The following NSA2 variants were observed in gnomAD, a reference collection of about 807,000 sequenced individuals.
NSA2 encodes ribosome biogenesis protein NSA2 homolog.
NSA2 carries 18 observed loss-of-function variants against 34.8 expected under a neutral mutation model. The ratio of observed to expected loss-of-function variants is 0.52; its 90% CI spans 0.36 to 0.77. The LOEUF (loss-of-function observed/expected upper bound fraction) is 0.77. NSA2 is among the 30% of genes least tolerant of loss of function. NSA2 has a pLI of 0.00. For synonymous variants in NSA2, 79 were observed against 100.2 expected (o/e 0.79, Z 1.26); for missense variants, 188 against 314.7 (o/e 0.60, Z 3.05).
At chr5:74,776,454 G>C (rs1349077250) in intron 5 of NSA2, 150 bp from the exon 6 acceptor site, 1 of 572,886 alleles carries the variant, frequency 1.7e-6, no homozygotes, top group East Asian at 3.0e-5. Flanking sequence ...CAGTGAGCCA[G>C]ATCACGCCAC....
At chr5:74,774,878 A>G (rs1363223776) in intron 5 of NSA2, among the ~76,000 whole-genome samples, 1 of 152,186 alleles carries the variant, frequency 6.6e-6, no homozygotes, top group Non-Finnish European at 1.5e-5. Context: ...GAAAATACCT[A>G]TTACATTTAA....
At position 74,770,616 on chromosome 5, in the gene NSA2, G is replaced by A; in HGVS notation, c.343-15G>A. The A allele has an allele frequency of 6.4e-7, 1 of 1,555,620 alleles. No individual in the cohort carries two copies. The highest frequency in any genetic ancestry group is 2.0e-5 in the Admixed American group (1 of 49,952). On this transcript the variant is annotated splice_polypyrimidine_tract_variant and intron_variant, in intron 3 of 5. Transcript: ENST00000610426. ...TTAATAACAATATAAACTTTTAACT[G>A]TGGCATATTTTTAGGGAAAATGGGA...
chr5:74,769,555 A>G, intron 3 of NSA2, 191 bp downstream of exon 3: 2 of 452,464 alleles, frequency 4.4e-6, no homozygotes, highest in East Asian at 7.4e-5. Flanking sequence ...TTTAAGTTAT[A>G]AAAAAAATTT....
At position 74,776,628 on chromosome 5, in the gene NSA2, A is replaced by G. The variant is rs762826781; in HGVS notation, c.740A>G (p.Asn247Ser). Reference sequence around the variant, plus strand: ...GGAAAATATGCCCAGGTTACCAACAATCCTGAAAATGATGGATGTATAAAT... The same window carrying G: ...GGAAAATATGCCCAGGTTACCAACAGTCCTGAAAATGATGGATGTATAAAT... ...IWGKYAQVTN[N>S]PENDGCINAV... Residue 247 changes from asparagine to serine, a missense_variant, in exon 6 of 6, where the codon AAT becomes AGT. Asn to Ser is a conservative substitution (Grantham distance 46). Coordinates refer to ENST00000610426, the MANE Select transcript of NSA2 (RefSeq NM_014886.6). 1.5e-5 allele frequency: 24 copies of G among 1,598,896 alleles called. No individual in the cohort carries two copies. The South Asian group carries it at 1.5e-4, about 10-fold the overall frequency.
At chr5:74,774,481 C>G (rs1429777793) in intron 5 of NSA2, among the ~76,000 whole-genome samples, 1 of 151,916 alleles carries the variant, frequency 6.6e-6, no homozygotes, top group Non-Finnish European at 1.5e-5. Flanking sequence ...GCGAGCACCT[C>G]TAATCCCAGC....
chr5:74,773,867 G>C lies in NSA2; in HGVS notation c.523-1G>C. ...TTCTTATGTTGTGTTTGACTTACTAGGGCTTGCGTTTCAAGAAAGCCCATG... is the reference window on the plus strand; with the variant it reads ...TTCTTATGTTGTGTTTGACTTACTACGGCTTGCGTTTCAAGAAAGCCCATG... On this transcript the variant is annotated splice_acceptor_variant, in intron 4 of 5. Coordinates refer to ENST00000610426, the MANE Select transcript of NSA2 (RefSeq NM_014886.6). LOFTEE classifies it high-confidence loss of function. 6.2e-7 allele frequency: 1 copy of C among 1,610,522 alleles called. No homozygotes were observed. The highest frequency in any genetic ancestry group is 8.5e-7 in the Non-Finnish European group (1 of 1,178,158).
At chr5:74,773,478 A>T (rs1475783982) in intron 4 of NSA2, among the ~76,000 whole-genome samples, 2 of 151,024 alleles carry the variant, frequency 1.3e-5, no homozygotes, top group African/African-American at 4.9e-5. Context: ...ACCAAAAAAA[A>T]AAAAAAAAAA....
Position 74,773,986 on chromosome 5 carries a change from T to C in NSA2, c.641T>C (p.Ile214Thr), listed in dbSNP as rs763767107. The change falls in exon 5 of 6, where the codon ATT (isoleucine) becomes ACT (threonine). Residue 214 changes from isoleucine (I) to threonine (T), a missense_variant. Transcript: ENST00000610426. ...SSPLYTTLGV[I>T]TKGTVIEVNV... is the part of the protein sequence containing the mutation. Reference sequence around the variant, plus strand: ...CCACTGTATACAACTTTGGGTGTTATTACCAAAGGTACTGTCATTGAAGTA... The same window carrying C: ...CCACTGTATACAACTTTGGGTGTTACTACCAAAGGTACTGTCATTGAAGTA... 7 of 1,613,886 alleles carry C rather than the reference T, an allele frequency of 4.3e-6. No individual in the cohort carries two copies. In the Admixed American group the frequency reaches 5.0e-5, roughly 12 times the overall value.
intron 5 of NSA2, among the ~76,000 whole-genome samples, chr5:74,774,484 A>G (rs1745046110): frequency 6.6e-6 from 1 of 152,088 alleles, no homozygotes; most frequent in South Asian, 2.1e-4. Context: ...AGCACCTCTA[A>G]TCCCAGCCAC....
chr5:74,769,800 T>C (rs1420765158), intron 3 of NSA2, among the ~76,000 whole-genome samples: 3 of 152,182 alleles, frequency 2.0e-5, no homozygotes, highest in Admixed American at 2.0e-4. Context: ...TTAGCAGAAA[T>C]CCAGATAAAA....
In NSA2 at chr5:74,767,276, G is replaced by C. The variant is rs1347044523; in HGVS notation, c.-85G>C. 2.8e-5 allele frequency: 44 copies of C among 1,553,292 alleles called. No individual in the cohort carries two copies. Among genetic ancestry groups the C allele is most frequent in the Non-Finnish European group, 3.7e-5 (42 of 1,126,804 alleles). ...TCTTTCCTGTCCCGGCCTGCGTGGT[G>C]TGGGCTTGTGGGTCTTTGAGACCCG... On this transcript the variant is annotated 5_prime_UTR_variant, in exon 1 of 6. Coordinates refer to ENST00000610426, the MANE Select transcript of NSA2 (RefSeq NM_014886.6).
chr5:74,769,576 C>T, intron 3 of NSA2: 1 of 407,354 alleles, frequency 2.5e-6, no homozygotes, highest in Non-Finnish European at 4.3e-6. Context: ...ATTAGAATGC[C>T]ATATGAAATT....
rs1745323094 is a variant in NSA2, at chr5:74,779,815, G to GA, written c.*3148dup. 2 of 152,078 alleles carry GA rather than the reference G, an allele frequency of 1.3e-5. No homozygotes were observed. Among genetic ancestry groups the GA allele is most frequent in the Admixed American group, 1.3e-4 (2 of 15,270 alleles). 9.4% of individuals were successfully genotyped at this position (152,078 alleles called of 1,614,324 possible). A position where few individuals can be genotyped will look rare whatever the true frequency, so the allele number is the denominator to read the frequency against. On this transcript the variant is annotated 3_prime_UTR_variant, in exon 6 of 6. Coordinates refer to ENST00000610426, the MANE Select transcript of NSA2 (RefSeq NM_014886.6). ...TCTGCTTTAAGATTTTAACTTGATC[G>GA]AAAATACCAACATCCCCAAACAAAA... is the stretch of plus-strand genomic sequence containing the variant.
intron 1 of NSA2, among the ~76,000 whole-genome samples, chr5:74,767,821 T>A (rs1425771434): frequency 6.6e-6 from 1 of 152,226 alleles, no homozygotes; most frequent in Non-Finnish European, 1.5e-5. Context: ...GGCCCAGATC[T>A]AACTGCCAGG....
Position 74,767,262 on chromosome 5 carries a change from C to T in NSA2, c.-99C>T, listed in dbSNP as rs1744696741. 4 of 1,465,690 alleles carry T rather than the reference C, an allele frequency of 2.7e-6. No homozygotes were observed. The highest frequency in any genetic ancestry group is 1.1e-5 in the South Asian group (1 of 87,568). 90.8% of individuals were successfully genotyped at this position (1,465,690 alleles called of 1,614,324 possible). On this transcript the variant is annotated 5_prime_UTR_variant, in exon 1 of 6. Transcript: ENST00000610426. ...TTTTAAAGGGTGACTCTTTCCTGTC[C>T]CGGCCTGCGTGGTGTGGGCTTGTGG...
Position 74,778,677 on chromosome 5 carries a change from G to C in NSA2, c.*2006G>C, listed in dbSNP as rs1278795762. The C allele has an allele frequency of 6.6e-6, 1 of 152,000 alleles. No homozygotes were observed. The highest frequency in any genetic ancestry group is 1.5e-5 in the Non-Finnish European group (1 of 67,914). The allele number at this position is 152,000 out of a possible 1,614,324, so 9.4% of individuals were successfully genotyped here. A position where few individuals can be genotyped will look rare whatever the true frequency, so the allele number is the denominator to read the frequency against. On this transcript the variant is annotated 3_prime_UTR_variant, in exon 6 of 6. Coordinates refer to ENST00000610426, the MANE Select transcript of NSA2 (RefSeq NM_014886.6). ...TAAATTCTTAAATATACTAATTTCT[G>C]TGATGTCTAGCAATTGAATAATTTA...
chr5:74,773,972 A>G lies in NSA2; in HGVS notation c.627A>G (p.Thr209=). 6.2e-7 allele frequency: 1 copy of G among 1,614,042 alleles called. No individual in the cohort carries two copies. Among genetic ancestry groups the G allele is most frequent in the Non-Finnish European group, 8.5e-7 (1 of 1,179,910 alleles). The change falls in exon 5 of 6, where the codon ACA becomes ACG. Residue 209 remains threonine, a synonymous_variant. Transcript: ENST00000610426. Reference sequence around the variant, plus strand: ...AGAATCCCTCATCCCCACTGTATACAACTTTGGGTGTTATTACCAAAGGTA... The same window carrying G: ...AGAATCCCTCATCCCCACTGTATACGACTTTGGGTGTTATTACCAAAGGTA... The part of the protein sequence containing the change: ...VKKNPSSPLY[T]TLGVITKGTV...
intron 5 of NSA2, among the ~76,000 whole-genome samples, chr5:74,775,922 G>A (rs964699317): frequency 2.1e-4 from 32 of 152,196 alleles, no homozygotes; most frequent in African/African-American, 7.7e-4. Flanking sequence ...CATGTCAGCT[G>A]ACCTCAGTTT....
rs1011568740 is a variant in NSA2 at position 74,778,142 on chromosome 5, T to C, written c.*1471T>C. ...GTTTTTTTTAGAACCAAAAATACTA[T>C]CTTGTAAGGTACAAAGAAAGCTTGA... is the stretch of plus-strand genomic sequence containing the variant. On this transcript the variant is annotated 3_prime_UTR_variant, in exon 6 of 6. Coordinates refer to ENST00000610426, the MANE Select transcript of NSA2 (RefSeq NM_014886.6). 3.3e-5 allele frequency: 5 copies of C among 152,160 alleles called. No individual in the cohort carries two copies. The highest frequency in any genetic ancestry group is 1.2e-4 in the African/African-American group (5 of 41,562). 9.4% of individuals were successfully genotyped at this position (152,160 alleles called of 1,614,324 possible).
Sources: gnomAD v4.1 joint callset for allele counts (sites outside exome capture counted in the v4.1 genomes callset) on GRCh38, gnomAD v4.1.1 for gene constraint, MANE v1.5 for transcripts, NCBI Gene and HGNC (gene_info 2026-07-23, HGNC 2026-07-21) for gene names.